RGSL1: variants seen among roughly 807,000 people sequenced by gnomAD.
RGSL1 encodes the protein regulator of G protein signaling like 1, also known as regulator of G protein signaling protein-like.
In RGSL1, 97 loss-of-function variants were observed where a neutral mutation model predicts 124.7. That is an observed-to-expected ratio of 0.78 (90% CI 0.66 to 0.92). RGSL1 has a LOEUF of 0.92. RGSL1 is among the 40% of genes least tolerant of loss of function. The pLI, the probability that RGSL1 is intolerant of heterozygous loss-of-function variation, is 0.00. For synonymous variants in RGSL1, 424 were observed against 438.1 expected (o/e 0.97, Z 0.40); for missense variants, 1,233 against 1,288.4 (o/e 0.96, Z 0.66).
intron 14 of RGSL1, among the ~76,000 whole-genome samples, chr1:182,536,150 C>G (rs1024285119): frequency 6.6e-6 from 1 of 152,138 alleles, no homozygotes; most frequent in Non-Finnish European, 1.5e-5. Context: ...CTTTTTATTG[C>G]TGGGTAGTAT....
rs374054187 is a variant in RGSL1, at chr1:182,552,566, T to C, written c.3044-889T>C. ...TCAGAGAGTCATAATATACAAGCTG[T>C]GAGACCTTGAGCATGGTGCTCCCCT... On this transcript the variant is annotated intron_variant, in intron 18 of 21. Coordinates refer to ENST00000294854, the MANE Select transcript of RGSL1 (RefSeq NM_001137669.2). 3.9e-5 allele frequency among the ~76,000 whole-genome samples: 6 copies of C among 152,326 alleles called. No homozygotes were observed. In the East Asian group the frequency reaches 9.7e-4, roughly 25 times the overall value.
Position 182,453,989 on chromosome 1 carries a change from G to T in RGSL1, c.45G>T (p.Leu15=). 1 of 1,534,370 alleles carries T rather than the reference G, an allele frequency of 6.5e-7. No homozygotes were observed. The highest frequency in any genetic ancestry group is 8.8e-7 in the Non-Finnish European group (1 of 1,131,504). ...TTGGTTCTACAAATCTTATAATTCT[G>T]CTAGAGGATGAAGTCTTTGCCGATT... ...EIIGSTNLII[L]LEDEVFADFF... Residue 15 remains leucine (L), a synonymous_variant, in exon 2 of 22, where the codon CTG becomes CTT. Transcript: ENST00000294854.
intron 6 of RGSL1, among the ~76,000 whole-genome samples, chr1:182,476,921 G>T (rs1654331459): frequency 6.6e-6 from 1 of 152,154 alleles, no homozygotes; most frequent in African/African-American, 2.4e-5. Context: ...CACCTTTTCA[G>T]TGAGGACTTC....
intron 9 of RGSL1, among the ~76,000 whole-genome samples, chr1:182,496,471 T>C (rs1655921765): frequency 6.6e-6 from 1 of 152,206 alleles, no homozygotes; most frequent in Non-Finnish European, 1.5e-5. Context: ...CATTGAAGTA[T>C]TTTGTGAACA....
rs548573858 is a variant in RGSL1 at position 182,508,545 on chromosome 1, C to T, written c.1826-13459C>T. Among the ~76,000 whole-genome samples, 614 of 151,786 alleles carry T rather than the reference C, an allele frequency of 4.0e-3. 6 individuals carry two copies. The highest frequency in any genetic ancestry group is 0.014 in the African/African-American group (579 of 41,404). On this transcript the variant is annotated intron_variant, in intron 9 of 21. Coordinates refer to ENST00000294854, the MANE Select transcript of RGSL1 (RefSeq NM_001137669.2). The stretch of plus-strand genomic sequence containing the variant: ...AACTCCTGACCTCAGGTGATCCACC[C>T]GCCTCAGCCTCCCAAAGTGCTGGGA...
chr1:182,487,840 T>A (rs1655207370), intron 6 of RGSL1, among the ~76,000 whole-genome samples: 1 of 152,226 alleles, frequency 6.6e-6, no homozygotes, highest in Non-Finnish European at 1.5e-5. Flanking sequence ...TAGGTTTTAT[T>A]GTTGTGTGTT....
intron 9 of RGSL1, among the ~76,000 whole-genome samples, chr1:182,493,844 C>A (rs2102116516): frequency 6.6e-6 from 1 of 152,164 alleles, no homozygotes; most frequent in East Asian, 1.9e-4. Flanking sequence ...GGGTAGTACC[C>A]AGTACCACCC....
chr1:182,519,444 C>A (rs539519341), intron 9 of RGSL1, among the ~76,000 whole-genome samples: 1 of 152,222 alleles, frequency 6.6e-6, no homozygotes, highest in African/African-American at 2.4e-5. Context: ...TGAGGAGTCA[C>A]CTGTCAGTTT....
At chr1:182,552,214 C>T (rs763156218) in intron 18 of RGSL1, among the ~76,000 whole-genome samples, 5 of 151,732 alleles carry the variant, frequency 3.3e-5, no homozygotes, top group Admixed American at 6.6e-5. Context: ...CCTGGGTTCA[C>T]GCCATTCTCC....
rs1373258703 is a variant in RGSL1 at position 182,532,549 on chromosome 1, C to T, written c.2365-113C>T. On this transcript the variant is annotated intron_variant, in intron 13 of 21. Transcript: ENST00000294854. Reference sequence around the variant, plus strand: ...ATTGGAGCTAAAAATTATTCCTTTACGGAGGTGTTGTGAGGATTAAATGTA... The same window carrying T: ...ATTGGAGCTAAAAATTATTCCTTTATGGAGGTGTTGTGAGGATTAAATGTA... 7.5e-6 allele frequency: 7 copies of T among 937,642 alleles called. No homozygotes were observed. In the East Asian group the frequency reaches 8.6e-5, roughly 12 times the overall value. The allele number at this position is 937,642 out of a possible 1,614,324, so 58.1% of individuals were successfully genotyped here. A position where few individuals can be genotyped will look rare whatever the true frequency, so the allele number is the denominator to read the frequency against.
At chr1:182,481,685 A>C (rs1413567837) in intron 6 of RGSL1, among the ~76,000 whole-genome samples, 6 of 152,200 alleles carry the variant, frequency 3.9e-5, no homozygotes, top group Non-Finnish European at 1.5e-5. Context: ...AAATATTCAC[A>C]AGAAAATACG....
upstream of RGSL1, among the ~76,000 whole-genome samples, chr1:182,449,004 C>A (rs1444749137): frequency 6.6e-6 from 1 of 152,000 alleles, no homozygotes; most frequent in Non-Finnish European, 1.5e-5. Context: ...TAGGAGGAGA[C>A]CTTGACTCTA....
intron 14 of RGSL1, among the ~76,000 whole-genome samples, chr1:182,536,264 A>G (rs934228105): frequency 6.6e-6 from 1 of 152,202 alleles, no homozygotes; most frequent in Non-Finnish European, 1.5e-5. Context: ...TGAATATTCA[A>G]GCAGAAGTAT....
At position 182,556,038 on chromosome 1, in the gene RGSL1, A is replaced by G; in HGVS notation, c.3212A>G (p.Tyr1071Cys). Residue 1071 changes from tyrosine (Y) to cysteine (C), a missense_variant, in exon 21 of 22, where the codon TAC becomes TGC. Coordinates refer to ENST00000294854, the MANE Select transcript of RGSL1 (RefSeq NM_001137669.2). ...TCTCCCTTCAGACAAAAATTATCCT[A>G]CATCAAAAAAGAGAAGTAATCAAGC... is the stretch of plus-strand genomic sequence containing the variant. ...LHPVQGQKLS[Y>C]IKKEK The G allele has an allele frequency of 1.9e-6, 3 of 1,551,572 alleles. No individual in the cohort carries two copies. The highest frequency in any genetic ancestry group is 2.4e-5 in the South Asian group (2 of 84,052).
chr1:182,457,109 T>C (rs1389922366), intron 2 of RGSL1, among the ~76,000 whole-genome samples: 1 of 152,114 alleles, frequency 6.6e-6, no homozygotes, highest in African/African-American at 2.4e-5. Flanking sequence ...ATCATTCCAC[T>C]GCACTCCAGC....
intron 18 of RGSL1, among the ~76,000 whole-genome samples, chr1:182,553,206 C>T (rs1355679219): frequency 6.6e-6 from 1 of 152,114 alleles, no homozygotes; most frequent in Non-Finnish European, 1.5e-5. Context: ...GCCTGGCTAG[C>T]CTCATCACCT....
intron 2 of RGSL1, among the ~76,000 whole-genome samples, chr1:182,457,350 C>T (rs544999904): frequency 3.3e-5 from 5 of 152,136 alleles, no homozygotes; most frequent in Non-Finnish European, 7.3e-5. Context: ...CTTCACAGTC[C>T]TACTGCCACT....
chr1:182,452,873 T>G (rs1219112259), intron 1 of RGSL1, among the ~76,000 whole-genome samples: 1 of 152,258 alleles, frequency 6.6e-6, no homozygotes, highest in Non-Finnish European at 1.5e-5. Flanking sequence ...TGGCACTTAC[T>G]GTCCTCATCA....
chr1:182,519,365 CT>C (rs1658156424), intron 9 of RGSL1, among the ~76,000 whole-genome samples: 1 of 152,072 alleles, frequency 6.6e-6, no homozygotes, highest in Non-Finnish European at 1.5e-5. Flanking sequence ...GAGAATTCTT[CT>C]TGGAGTTGTT....
Sources: allele counts gnomAD v4.1 joint callset (sites outside exome capture counted in the v4.1 genomes callset), GRCh38; gene constraint gnomAD v4.1.1; transcripts MANE v1.5; gene names NCBI Gene and HGNC (gene_info 2026-07-23, HGNC 2026-07-21).